NAP1L4: variants seen among roughly 807,000 people sequenced by gnomAD.
NAP1L4 encodes the protein nucleosome assembly protein 1-like 4.
A neutral mutation model predicts 58.2 loss-of-function variants in NAP1L4; 15 were observed. The ratio of observed to expected loss-of-function variants is 0.26; its 90% CI spans 0.17 to 0.40. The LOEUF (loss-of-function observed/expected upper bound fraction) is 0.40. NAP1L4 is among the 10% of genes least tolerant of loss of function. The probability of loss-of-function intolerance (pLI) is 1.00; values close to 1 mark genes in which losing one functional copy is unlikely to be tolerated. For synonymous variants in NAP1L4, 171 were observed against 155.6 expected, an observed-to-expected ratio of 1.10 and a Z score of -0.74; for missense variants, 384 against 451.1, an observed-to-expected ratio of 0.85 and a Z score of 1.35.
chr11:2,986,689 C>T (rs1271174106), intron 1 of NAP1L4, among the ~76,000 whole-genome samples: 2 of 149,378 alleles, frequency 1.3e-5, no homozygotes, highest in Non-Finnish European at 3.0e-5. Flanking sequence ...TGCAGTGGCG[C>T]GATCTCGGCT....
intron 8 of NAP1L4, among the ~76,000 whole-genome samples, chr11:2,963,326 G>A (rs1847059684): frequency 1.3e-5 from 2 of 152,140 alleles, no homozygotes; most frequent in Non-Finnish European, 2.9e-5. Context: ...AGGCAGACGT[G>A]CCCAGGCGGC....
Position 2,951,226 on chromosome 11 carries a change from T to G in NAP1L4, c.1122+33A>C. 6.3e-7 allele frequency: 1 copy of G among 1,580,230 alleles called. No individual in the cohort carries two copies. The highest frequency in any genetic ancestry group is 8.7e-7 in the Non-Finnish European group (1 of 1,150,070). On this transcript the variant is annotated intron_variant, in intron 14 of 15. Transcript: ENST00000380542. This position sits in a 1 kb window ranked among gnomAD's most constrained non-coding sequence, Gnocchi z 4.0. ...TTAAAAGTCTAAGAGTGCAGCATAA[T>G]AAGTAGGTCTGGGTGGCCCCAAAGT...
intron 1 of NAP1L4, among the ~76,000 whole-genome samples, chr11:2,989,631 T>C (rs7112509): frequency 0.11 from 16,081 of 152,256 alleles, 993 homozygotes; most frequent in African/African-American, 0.16. Flanking sequence ...CTAGAGACTA[T>C]CAACTGCTCA....
chr11:2,986,811 A>G (rs1042051105), intron 1 of NAP1L4, among the ~76,000 whole-genome samples: 41 of 149,918 alleles, frequency 2.7e-4, no homozygotes, highest in African/African-American at 1.0e-3. Flanking sequence ...TATTTTTAGT[A>G]GAGACAGGGT....
chr11:2,947,168 C>A (rs975443888), intron 15 of NAP1L4, among the ~76,000 whole-genome samples: 1 of 152,142 alleles, frequency 6.6e-6, no homozygotes, highest in African/African-American at 2.4e-5. Context: ...AAATCTGGAA[C>A]CCAAGACAAA....
intron 14 of NAP1L4, among the ~76,000 whole-genome samples, chr11:2,950,441 A>C (rs1314574079): frequency 1.3e-5 from 2 of 152,258 alleles, no homozygotes; most frequent in African/African-American, 4.8e-5. Flanking sequence ...CACTCCAAAA[A>C]ACAAGGGTAA....
intron 6 of NAP1L4, 139 bp from the exon 7 acceptor site, chr11:2,970,073 T>A: frequency 1.3e-6 from 1 of 775,348 alleles, no homozygotes; most frequent in Non-Finnish European, 1.9e-6. Flanking sequence ...TCCAAACCAC[T>A]CACTGGGCCA....
In NAP1L4 at chr11:2,978,435, G is replaced by A. The variant is rs183034387; in HGVS notation, c.15-93C>T. The A allele has an allele frequency of 2.7e-4, 320 of 1,206,940 alleles. No homozygotes were observed. In the African/African-American group the frequency reaches 4.0e-3, roughly 15 times the overall value. The allele number at this position is 1,206,940 out of a possible 1,614,324, so 74.8% of individuals were successfully genotyped here. ...ATGTTTCTTATTCAATATATTAAGA[G>A]GTATCTGTACAGTGACGTCAGATTT... On this transcript the variant is annotated intron_variant, in intron 2 of 15. Transcript: ENST00000380542.
chr11:2,958,612 G>C, intron 9 of NAP1L4, 68 bp from the exon 10 acceptor site: 1 of 1,512,018 alleles, frequency 6.6e-7, no homozygotes, highest in South Asian at 1.2e-5. Context: ...ATGCATGCAG[G>C]AAGCAAACCA....
intron 1 of NAP1L4, 76 bp from the exon 2 acceptor site, chr11:2,979,313 T>C: frequency 7.8e-7 from 1 of 1,275,358 alleles, no homozygotes; most frequent in Non-Finnish European, 1.1e-6. Context: ...TAAACAACGG[T>C]TATCTGTGGG....
chr11:2,979,605 T>C (rs796798763), intron 1 of NAP1L4, among the ~76,000 whole-genome samples: 12 of 152,176 alleles, frequency 7.9e-5, no homozygotes, highest in African/African-American at 2.6e-4. Context: ...AAACCCCATC[T>C]CTACTAAAAA....
intron 4 of NAP1L4, among the ~76,000 whole-genome samples, chr11:2,974,712 A>G (rs547186711): frequency 6.6e-5 from 10 of 152,216 alleles, no homozygotes; most frequent in African/African-American, 2.4e-4. Context: ...CCTGGCCAAC[A>G]TGGCAAATCC....
At chr11:2,990,586 T>TA (rs1224289309) in intron 1 of NAP1L4, 1 of 152,306 alleles carries the variant, frequency 6.6e-6, no homozygotes, top group East Asian at 1.9e-4. Context: ...AGAGTTCAGT[T>TA]AAGCTTAGCA....
chr11:2,991,103 T>C (rs1348853956), intron 1 of NAP1L4: 1 of 456,004 alleles, frequency 2.2e-6, no homozygotes, highest in Non-Finnish European at 4.4e-6. Flanking sequence ...GAGAACATAA[T>C]GAAATGGCGG....
chr11:2,982,813 G>T (rs549454180), intron 1 of NAP1L4, among the ~76,000 whole-genome samples: 8 of 152,274 alleles, frequency 5.3e-5, no homozygotes, highest in African/African-American at 1.9e-4. Context: ...ACGACGTGAG[G>T]AGTTCAAGAC....
chr11:2,962,424 G>C (rs927076002), intron 8 of NAP1L4, among the ~76,000 whole-genome samples: 3 of 152,230 alleles, frequency 2.0e-5, no homozygotes, highest in Non-Finnish European at 4.4e-5. Context: ...TATCCAGGTA[G>C]GCAAGCGCTC....
At chr11:2,958,939 A>G (rs1395663374) in intron 9 of NAP1L4, 1 of 225,060 alleles carries the variant, frequency 4.4e-6, no homozygotes. Context: ...AAGCTGAAAA[A>G]AGGAAAGAGG....
Position 2,976,012 on chromosome 11 carries a change from C to T in NAP1L4, c.173+12G>A. 1.9e-6 allele frequency: 3 copies of T among 1,605,158 alleles called. No homozygotes were observed. Among genetic ancestry groups the T allele is most frequent in the Non-Finnish European group, 2.6e-6 (3 of 1,176,256 alleles). On this transcript the variant is annotated intron_variant, in intron 4 of 15. Coordinates refer to ENST00000380542, the MANE Select transcript of NAP1L4 (RefSeq NM_005969.4). ...TCCAAATTGCATGAGACCCTATTCA[C>T]AGCACACTTACGTTTCGATGTAGCT...
chr11:2,951,330 T>C lies in NAP1L4; in HGVS notation c.1066-15A>G. 1 of 1,611,086 alleles carries C rather than the reference T, an allele frequency of 6.2e-7. No individual in the cohort carries two copies. The highest frequency in any genetic ancestry group is 1.3e-5 in the African/African-American group (1 of 74,962). On this transcript the variant is annotated splice_polypyrimidine_tract_variant and intron_variant, in intron 13 of 15. Coordinates refer to ENST00000380542, the MANE Select transcript of NAP1L4 (RefSeq NM_005969.4). The surrounding 1 kb of genome is among the most constrained non-coding windows in gnomAD (Gnocchi z 4.0). ...CCTTCTAATTCCTGTATTTAAAAAG[T>C]GAGAATTAGCTGGAATGACAAGATT...
Sources: gnomAD v4.1 joint callset for allele counts (sites outside exome capture counted in the v4.1 genomes callset) on GRCh38, gnomAD v4.1.1 for gene constraint, Gnocchi (gnomAD v3.1) non-coding constraint, MANE v1.5 for transcripts, NCBI Gene and HGNC (gene_info 2026-07-23, HGNC 2026-07-21) for gene names.